Variants in MTAP observed in about 807,000 individuals in gnomAD.
The protein encoded by MTAP is S-methyl-5'-thioadenosine phosphorylase.
A neutral mutation model predicts 33.6 loss-of-function variants in MTAP; 33 were observed. The ratio of observed to expected loss-of-function variants is 0.98; its 90% CI spans 0.74 to 1.31. MTAP has a LOEUF of 1.31. MTAP is among the 40% of genes most tolerant of loss of function. The probability of loss-of-function intolerance (pLI) is 0.00; values close to 1 mark genes in which losing one functional copy is unlikely to be tolerated. For missense variants in MTAP, 367 were observed against 360.0 expected, an observed-to-expected ratio of 1.02 and a Z score of -0.16; for synonymous variants, 148 against 125.7, an observed-to-expected ratio of 1.18 and a Z score of -1.19.
In MTAP at chr9:21,861,470, T is replaced by G. The variant is rs80047907; in HGVS notation, c.814-506T>G. On this transcript the variant is annotated intron_variant, in intron 7 of 7. Transcript: ENST00000644715. ...GAACACCATACTAATAATCCCTTTT[T>G]CTGGGGTAGTATTGTTAGCACTGAA... 3.5e-3 allele frequency: 538 copies of G among 154,486 alleles called. 3 individuals carry two copies. The highest frequency in any genetic ancestry group is 0.012 in the African/African-American group (491 of 41,564). The allele number at this position is 154,486 out of a possible 1,614,324, so 9.6% of individuals were successfully genotyped here. A position where few individuals can be genotyped will look rare whatever the true frequency, so the allele number is the denominator to read the frequency against.
At position 21,865,704 on chromosome 9, in the gene MTAP, G is replaced by A. The variant is rs1172402258; in HGVS notation, c.*3690G>A. ...GGGTAGTCCAGAAGAAGCTGTTTCA[G>A]GGCCTGTTGCCAGCTATGCCTTTGA... On this transcript the variant is annotated 3_prime_UTR_variant, in exon 8 of 8. Transcript: ENST00000644715. 7.6e-5 allele frequency: 78 copies of A among 1,029,584 alleles called. No homozygotes were observed. Among genetic ancestry groups the A allele is most frequent in the Non-Finnish European group, 9.0e-5 (77 of 852,784 alleles). 63.8% of individuals were successfully genotyped at this position (1,029,584 alleles called of 1,614,324 possible).
intron 6 of MTAP, among the ~76,000 whole-genome samples, chr9:21,858,200 A>G (rs1825678822): frequency 6.6e-6 from 1 of 152,190 alleles, no homozygotes; most frequent in Non-Finnish European, 1.5e-5. Flanking sequence ...CAGTGTAGCA[A>G]CAGTTTTAAC....
At chr9:21,831,495 AT>A (rs5896954) in intron 4 of MTAP, among the ~76,000 whole-genome samples, 73,091 of 148,976 alleles carry the variant, frequency 0.49, 17,745 homozygotes, top group Admixed American at 0.53. Flanking sequence ...GTGCTTGGTA[AT>A]TTTTTTTTTT....
Position 21,881,220 on chromosome 9 carries a change from A to C in MTAP, c.147+26350A>C, listed in dbSNP as rs563445168. On this transcript the variant is annotated intron_variant, in intron 1 of 1. Coordinates refer to the MTAP transcript ENST00000577563. ...TGGATATGCAAATGCAAAAGAATGA[A>C]GTTGGACTCTTACCACCATACACAA... 2.2e-4 allele frequency among the ~76,000 whole-genome samples: 34 copies of C among 152,214 alleles called. No individual in the cohort carries two copies. In the South Asian group the frequency reaches 6.6e-3, roughly 30 times the overall value.
At chr9:21,897,431 A>C (rs1398923632) in intron 1 of MTAP, among the ~76,000 whole-genome samples, 2 of 152,208 alleles carry the variant, frequency 1.3e-5, no homozygotes. Context: ...GGAAAAGAGG[A>C]AGTCAAATTG....
rs142562006 is a variant in MTAP, at chr9:21,910,700, T to C, written c.148-20308T>C. On this transcript the variant is annotated intron_variant, in intron 1 of 1. Transcript: ENST00000577563. ...TGGTTTTTTAATAGCAGTGATATAATTCACATATCATAAAGTTTATAAAGT... is the reference window on the plus strand; with the variant it reads ...TGGTTTTTTAATAGCAGTGATATAACTCACATATCATAAAGTTTATAAAGT... Among the ~76,000 whole-genome samples the C allele has an allele frequency of 7.6e-4, 116 of 152,296 alleles. No homozygotes were observed. The East Asian group carries it at 0.02, about 26-fold the overall frequency.
downstream of MTAP, chr9:21,934,060 C>T (rs1819005160): frequency 6.6e-6 from 1 of 152,210 alleles, no homozygotes; most frequent in South Asian, 2.1e-4. The surrounding 1 kb of genome is among the most constrained non-coding windows in gnomAD (Gnocchi z 5.0). Flanking sequence ...ACAGCTGATT[C>T]ATGGAGACTC....
chr9:21,826,271 A>G (rs1375610502), intron 4 of MTAP, among the ~76,000 whole-genome samples: 1 of 151,240 alleles, frequency 6.6e-6, no homozygotes, highest in Non-Finnish European at 1.5e-5. Context: ...TGTCTCATGA[A>G]CTTTTTTTTT....
intron 1 of MTAP, among the ~76,000 whole-genome samples, chr9:21,803,990 C>G (rs770330835): frequency 2.0e-5 from 3 of 152,148 alleles, no homozygotes; most frequent in Non-Finnish European, 4.4e-5. Context: ...AATCTTGCAT[C>G]CAGCAAATAT....
intron 4 of MTAP, among the ~76,000 whole-genome samples, chr9:21,819,154 T>A (rs1333512233): frequency 6.8e-6 from 1 of 146,224 alleles, no homozygotes; most frequent in Non-Finnish European, 1.5e-5. Flanking sequence ...TTTTTTTTAA[T>A]TGTACTTTTA....
chr9:21,927,396 A>G (rs1304110619), intron 1 of MTAP, among the ~76,000 whole-genome samples: 2 of 152,174 alleles, frequency 1.3e-5, no homozygotes, highest in Admixed American at 6.5e-5. Context: ...AAAGACCGCA[A>G]TGGATCACTG....
intron 1 of MTAP, among the ~76,000 whole-genome samples, chr9:21,886,246 A>G (rs563255442): frequency 2.0e-5 from 3 of 151,210 alleles, no homozygotes; most frequent in Non-Finnish European, 1.5e-5. Flanking sequence ...GGCCATTTGT[A>G]TATCTTGTTT....
chr9:21,899,750 G>T (rs1167183429), intron 1 of MTAP, among the ~76,000 whole-genome samples: 1 of 152,108 alleles, frequency 6.6e-6, no homozygotes, highest in Non-Finnish European at 1.5e-5. Flanking sequence ...TGACACGTGG[G>T]TATTATGCAG....
intron 1 of MTAP, among the ~76,000 whole-genome samples, chr9:21,912,957 A>C (rs953007509): frequency 6.6e-6 from 1 of 152,188 alleles, no homozygotes; most frequent in Non-Finnish European, 1.5e-5. Context: ...AAATCAATGT[A>C]CAAAAATCAC....
intron 1 of MTAP, among the ~76,000 whole-genome samples, chr9:21,902,346 A>C (rs910600882): frequency 2.0e-5 from 3 of 152,216 alleles, no homozygotes; most frequent in Admixed American, 1.3e-4. Context: ...CTTAAGTCGC[A>C]TGCCTATGCC....
At chr9:21,844,894 T>C (rs1197287475) in intron 5 of MTAP, among the ~76,000 whole-genome samples, 1 of 152,126 alleles carries the variant, frequency 6.6e-6, no homozygotes, top group African/African-American at 2.4e-5. Context: ...TAGCCGGGCA[T>C]GGTAGCGGGC....
chr9:21,864,828 C>G lies in MTAP; in HGVS notation c.*2814C>G. 1 of 985,498 alleles carries G rather than the reference C, an allele frequency of 1.0e-6. No homozygotes were observed. Among genetic ancestry groups the G allele is most frequent in the Non-Finnish European group, 1.2e-6 (1 of 829,968 alleles). The allele number at this position is 985,498 out of a possible 1,614,324, so 61.0% of individuals were successfully genotyped here. The stretch of plus-strand genomic sequence containing the variant: ...CCACGTGAGCCTGCTCTGGCATCCA[C>G]AGGATGCTCCTGGAGCCTCTTCTCT... On this transcript the variant is annotated 3_prime_UTR_variant, in exon 8 of 8. Transcript: ENST00000644715.
intron 1 of MTAP, chr9:21,893,468 G>A (rs1818233065): frequency 6.6e-6 from 1 of 151,966 alleles, no homozygotes; most frequent in Non-Finnish European, 1.5e-5. Context: ...ACCAAACGTT[G>A]GTTTTCTGAA....
downstream of MTAP, among the ~76,000 whole-genome samples, chr9:21,938,128 T>C (rs1356156078): frequency 6.6e-6 from 1 of 151,930 alleles, no homozygotes; most frequent in Non-Finnish European, 1.5e-5. Context: ...CAAAAAATTA[T>C]CTGGGCATGG....
Sources: allele counts gnomAD v4.1 joint callset (sites outside exome capture counted in the v4.1 genomes callset), GRCh38; gene constraint gnomAD v4.1.1; non-coding constraint Gnocchi (gnomAD v3.1); transcripts MANE v1.5; gene names NCBI Gene and HGNC (gene_info 2026-07-23, HGNC 2026-07-21).